Variants in LIG1 observed in about 807,000 individuals in gnomAD.
The protein encoded by LIG1 is DNA ligase 1, also known as ligase I, DNA, ATP-dependent.
LIG1 carries 70 observed loss-of-function variants against 115.7 expected under a neutral mutation model. The observed-to-expected ratio is 0.60, with a 90% CI of 0.50 to 0.74. The LOEUF (loss-of-function observed/expected upper bound fraction) is 0.74, where lower values mean the gene tolerates loss of function less well. Ranked by LOEUF, LIG1 falls within the 30% of genes least tolerant of loss-of-function variation. The probability of loss-of-function intolerance (pLI) is 0.00; values close to 1 mark genes in which losing one functional copy is unlikely to be tolerated. For synonymous variants in LIG1, 487 were observed against 495.3 expected (o/e 0.98, Z 0.22); for missense variants, 1,115 against 1,225.6 (o/e 0.91, Z 1.35).
At chr19:48,159,442 C>A (rs1018984005) in intron 4 of LIG1, among the ~76,000 whole-genome samples, 2 of 152,204 alleles carry the variant, frequency 1.3e-5, no homozygotes, top group African/African-American at 4.8e-5. Flanking sequence ...CTTCCTAGCT[C>A]CCCAGAAGCC....
At chr19:48,167,094 C>A (rs143067650) in intron 1 of LIG1, among the ~76,000 whole-genome samples, 1 of 151,050 alleles carries the variant, frequency 6.6e-6, no homozygotes, top group African/African-American at 2.4e-5. Flanking sequence ...AAAGAAATTA[C>A]GACTTTATTC....
chr19:48,155,167 A>T (rs921898814), intron 5 of LIG1, among the ~76,000 whole-genome samples: 27 of 151,922 alleles, frequency 1.8e-4, no homozygotes, highest in African/African-American at 6.3e-4. Context: ...GCCACCTTTC[A>T]TTCAGGGATG....
At chr19:48,154,391 AC>A (rs1269045084) in intron 5 of LIG1, 28 of 244,676 alleles carry the variant, frequency 1.1e-4, no homozygotes, top group Non-Finnish European at 2.3e-4. Flanking sequence ...AGAGGCCCTC[AC>A]CCCACGATCG....
chr19:48,123,346 T>C (rs1599745959), intron 21 of LIG1, 28 bp from the exon 22 acceptor site: 1 of 1,609,210 alleles, frequency 6.2e-7, no homozygotes. Flanking sequence ...AGAAGAGAGA[T>C]GAGACATCTT....
At chr19:48,150,047 C>A in intron 8 of LIG1, 41 bp downstream of exon 8, 1 of 1,613,832 alleles carries the variant, frequency 6.2e-7, no homozygotes, top group South Asian at 1.1e-5. Flanking sequence ...AGCCTCCTGC[C>A]TGTACAACCC....
In LIG1 at chr19:48,137,221, A is replaced by G. The variant is rs2034448442; in HGVS notation, c.1255-137T>C. 5 of 802,688 alleles carry G rather than the reference A, an allele frequency of 6.2e-6. No individual in the cohort carries two copies. Among genetic ancestry groups the G allele is most frequent in the Non-Finnish European group, 8.4e-6 (4 of 478,336 alleles). The allele number at this position is 802,688 out of a possible 1,614,324, so 49.7% of individuals were successfully genotyped here. A position where few individuals can be genotyped will look rare whatever the true frequency, so the allele number is the denominator to read the frequency against. ...ACCCCATCCCCATGTCCCAGCTCCC[A>G]TGGCCGCCCACTCTTAGGGCAGTAA... is the stretch of plus-strand genomic sequence containing the variant. On this transcript the variant is annotated intron_variant, in intron 13 of 27. Coordinates refer to ENST00000263274, the MANE Select transcript of LIG1 (RefSeq NM_000234.3). The surrounding 1 kb of genome is among the most constrained non-coding windows in gnomAD (Gnocchi z 4.3).
intron 21 of LIG1, 68 bp downstream of exon 21, chr19:48,127,209 G>T (rs2033726694): frequency 7.9e-7 from 1 of 1,273,626 alleles, no homozygotes; most frequent in Admixed American, 1.7e-5. Flanking sequence ...AGTCAGAGGG[G>T]CAGCTGCCAG....
Position 48,117,628 on chromosome 19 carries a change from T to G in LIG1, c.2583+10A>C. Reference sequence around the variant, plus strand: ...CACACAGGGCCACGGCCAGGTCCTCTGCCACTCACCAGGCCCCGCGCAGCA... The same window carrying G: ...CACACAGGGCCACGGCCAGGTCCTCGGCCACTCACCAGGCCCCGCGCAGCA... On this transcript the variant is annotated intron_variant, in intron 26 of 27. Transcript: ENST00000263274. 3 of 1,611,738 alleles carry G rather than the reference T, an allele frequency of 1.9e-6. No individual in the cohort carries two copies. The highest frequency in any genetic ancestry group is 2.5e-6 in the Non-Finnish European group (3 of 1,179,516).
At chr19:48,130,521 C>T (rs547442452) in intron 19 of LIG1, among the ~76,000 whole-genome samples, 1 of 152,286 alleles carries the variant, frequency 6.6e-6, no homozygotes, top group South Asian at 2.1e-4. Flanking sequence ...TGGCCCCCTC[C>T]AAACTCGTCC....
intron 19 of LIG1, among the ~76,000 whole-genome samples, chr19:48,128,493 C>CG (rs887175737): frequency 1.1e-4 from 16 of 152,214 alleles, no homozygotes; most frequent in African/African-American, 3.9e-4. Flanking sequence ...GGGACTCTCC[C>CG]GGGTCAGCCT....
At position 48,115,964 on chromosome 19, in the gene LIG1, AC is replaced by A; in HGVS notation, c.2584del (p.Val862TrpfsTer64). 6.2e-7 allele frequency: 1 copy of A among 1,612,882 alleles called. No homozygotes were observed. The highest frequency in any genetic ancestry group is 8.5e-7 in the Non-Finnish European group (1 of 1,179,610). ...AAGGGAGATGCCCTTGTCACTATCCACCTGCGGAAGCGGGATGGAGACTCCT... is the reference window on the plus strand; with the variant it reads ...AAGGGAGATGCCCTTGTCACTATCCACTGCGGAAGCGGGATGGAGACTCCT... ...SPIYPAARGL[V>X]DSDKGISLRF... On this transcript the variant is annotated frameshift_variant and splice_region_variant, in exon 27 of 28. Transcript: ENST00000263274. LOFTEE classifies it high-confidence loss of function.
Position 48,115,514 on chromosome 19 carries a change from C to A in LIG1, c.*135G>T. ...CCCAGACTCCGGAGTAAGCCACCCC[C>A]TCACACACACACCCCTCCCCTGACT... On this transcript the variant is annotated 3_prime_UTR_variant, in exon 28 of 28. Coordinates refer to ENST00000263274, the MANE Select transcript of LIG1 (RefSeq NM_000234.3). 1 of 702,964 alleles carries A rather than the reference C, an allele frequency of 1.4e-6. No individual in the cohort carries two copies. The highest frequency in any genetic ancestry group is 2.6e-6 in the Non-Finnish European group (1 of 388,642). 43.5% of individuals were successfully genotyped at this position (702,964 alleles called of 1,614,324 possible). A position where few individuals can be genotyped will look rare whatever the true frequency, so the allele number is the denominator to read the frequency against.
chr19:48,127,441 TCG>T (rs1441800549), intron 20 of LIG1, 93 bp from the exon 21 acceptor site: 210 of 1,144,650 alleles, frequency 1.8e-4, no homozygotes, highest in Non-Finnish European at 2.2e-4. Flanking sequence ...GGTCTCCCTC[TCG>T]CCCCACCTAA....
intron 25 of LIG1, among the ~76,000 whole-genome samples, chr19:48,118,131 G>GA (rs1351720654): frequency 6.6e-6 from 1 of 152,158 alleles, no homozygotes; most frequent in African/African-American, 2.4e-5. Context: ...CAGAGACCTG[G>GA]AGGAAGGAGA....
intron 9 of LIG1, chr19:48,145,807 A>T (rs2035075129): frequency 6.6e-6 from 1 of 152,226 alleles, no homozygotes; most frequent in Admixed American, 6.5e-5. Flanking sequence ...GCTGGTCATA[A>T]TCAAGGCCAG....
chr19:48,133,454 G>A (rs1395988839), intron 17 of LIG1: 1 of 337,194 alleles, frequency 3.0e-6, no homozygotes, highest in African/African-American at 2.1e-5. Context: ...AACCTTTGGA[G>A]GGCAGAGGGA....
intron 3 of LIG1, 125 bp downstream of exon 3, chr19:48,162,137 T>C (rs949979518): frequency 2.4e-6 from 2 of 827,316 alleles, no homozygotes; most frequent in African/African-American, 3.4e-5. Context: ...CTTGGACTTC[T>C]GGCCACCTGG....
intron 21 of LIG1, among the ~76,000 whole-genome samples, chr19:48,126,218 G>A (rs190077228): frequency 6.6e-6 from 1 of 152,250 alleles, no homozygotes; most frequent in African/African-American, 2.4e-5. Context: ...GGTTAGGGCT[G>A]GGATATGACG....
Position 48,140,026 on chromosome 19 carries a change from G to A in LIG1, c.1032C>T (p.Gly344=), listed in dbSNP as rs753030710. 5.0e-6 allele frequency: 8 copies of A among 1,614,044 alleles called. No individual in the cohort carries two copies. The South Asian group carries it at 8.8e-5, about 18-fold the overall frequency. Residue 344 remains glycine, a synonymous_variant, in exon 12 of 28, where the codon GGC becomes GGT. Transcript: ENST00000263274. ...SLNHLGPPQQ[G]LELGVGDGVL... The stretch of plus-strand genomic sequence containing the variant: ...CACCATCACCCACGCCAAGCTCCAG[G>A]CCCTGCTGGGGTGGCCCAAGGTGGT...
Sources: allele counts gnomAD v4.1 joint callset (sites outside exome capture counted in the v4.1 genomes callset), GRCh38; gene constraint gnomAD v4.1.1; non-coding constraint Gnocchi (gnomAD v3.1); transcripts MANE v1.5; gene names NCBI Gene and HGNC (gene_info 2026-07-23, HGNC 2026-07-21).